INO80: variants seen among roughly 807,000 people sequenced by gnomAD.
INO80 encodes chromatin-remodeling ATPase INO80.
INO80 carries 20 observed loss-of-function variants against 203.4 expected under a neutral mutation model. That is an observed-to-expected ratio of 0.10 (90% confidence interval 0.07 to 0.14). INO80 has a LOEUF of 0.14. Ranked by LOEUF, INO80 falls within the 10% of genes least tolerant of loss-of-function variation. The probability of loss-of-function intolerance (pLI) is 1.00; values close to 1 mark genes in which losing one functional copy is unlikely to be tolerated. For missense variants in INO80, 1,419 were observed against 1,914.4 expected (o/e 0.74, Z 4.83); for synonymous variants, 726 against 685.2 (o/e 1.06, Z -0.93).
intron 24 of INO80, among the ~76,000 whole-genome samples, chr15:41,038,916 G>A (rs1049542874): frequency 2.0e-5 from 3 of 152,086 alleles, no homozygotes; most frequent in Non-Finnish European, 4.4e-5. Context: ...GCTTCACATT[G>A]GCTACCAACA....
At chr15:40,980,687 A>C (rs930014779) in intron 35 of INO80, among the ~76,000 whole-genome samples, 40 of 152,238 alleles carry the variant, frequency 2.6e-4, no homozygotes, top group African/African-American at 9.4e-4. Flanking sequence ...CTTCATCCAC[A>C]GATGGTAAAA....
intron 11 of INO80, 50 bp downstream of exon 11, chr15:41,073,378 G>A (rs1239566973): frequency 7.0e-7 from 1 of 1,426,120 alleles, no homozygotes; most frequent in Non-Finnish European, 9.9e-7. Flanking sequence ...AAAGGCTTGT[G>A]GGGTATTTCC....
At chr15:41,032,418 A>G (rs1225004888) in intron 24 of INO80, among the ~76,000 whole-genome samples, 1 of 152,210 alleles carries the variant, frequency 6.6e-6, no homozygotes. Flanking sequence ...AATGCAGAGA[A>G]ACACAATAGT....
Position 41,081,084 on chromosome 15 carries a change from T to C in INO80, c.874-11A>G. 1 of 1,521,280 alleles carries C rather than the reference T, an allele frequency of 6.6e-7. No homozygotes were observed. The highest frequency in any genetic ancestry group is 9.1e-7 in the Non-Finnish European group (1 of 1,096,910). The allele number at this position is 1,521,280 out of a possible 1,614,324, so 94.2% of individuals were successfully genotyped here. ...TTTCTGCTTATTTGCCTAAAATATT[T>C]AAAAAACAATATTTCATTTAGGATT... On this transcript the variant is annotated splice_polypyrimidine_tract_variant and intron_variant, in intron 7 of 35. Transcript: ENST00000648947.
chr15:41,081,482 G>C (rs1277424989), intron 7 of INO80, among the ~76,000 whole-genome samples: 2 of 152,162 alleles, frequency 1.3e-5, no homozygotes, highest in African/African-American at 4.8e-5. Flanking sequence ...AGATAAACTA[G>C]TCTCCTAAGT....
At position 40,987,905 on chromosome 15, in the gene INO80, C is replaced by G; in HGVS notation, c.3640G>C (p.Gly1214Arg). The G allele has an allele frequency of 6.2e-7, 1 of 1,614,132 alleles. No homozygotes were observed. Among genetic ancestry groups the G allele is most frequent in the Non-Finnish European group, 8.5e-7 (1 of 1,179,984 alleles). ...QQAMDRAHRL[G>R]QTKQVTVYRL... Reference sequence around the variant, plus strand: ...TACACAGTAACCTGCTTTGTCTGCCCTAAGCGGTGGGCCCTGTCCATGGCC... The same window carrying G: ...TACACAGTAACCTGCTTTGTCTGCCGTAAGCGGTGGGCCCTGTCCATGGCC... The change falls in exon 30 of 36, where the codon GGG (glycine) becomes CGG (arginine). Residue 1214 changes from glycine (G) to arginine (R), a missense_variant. Coordinates refer to ENST00000648947, the MANE Select transcript of INO80 (RefSeq NM_017553.3).
At chr15:41,061,679 A>G (rs2045112248) in intron 14 of INO80, among the ~76,000 whole-genome samples, 1 of 152,072 alleles carries the variant, frequency 6.6e-6, no homozygotes, top group African/African-American at 2.4e-5. Flanking sequence ...ACTTTAAAAA[A>G]TGCTAATTTG....
intron 1 of INO80, among the ~76,000 whole-genome samples, chr15:41,101,019 G>A (rs1406966574): frequency 6.6e-6 from 1 of 151,674 alleles, no homozygotes; most frequent in Non-Finnish European, 1.5e-5. Flanking sequence ...TAGTAGAGAT[G>A]GAGTTTTACC....
At chr15:41,024,204 G>T (rs1392507547) in intron 25 of INO80, among the ~76,000 whole-genome samples, 1 of 152,132 alleles carries the variant, frequency 6.6e-6, no homozygotes. Flanking sequence ...GTTTTGAGAG[G>T]CTTCTTTGGC....
intron 1 of INO80, among the ~76,000 whole-genome samples, chr15:41,098,468 A>T (rs1200739368): frequency 6.6e-6 from 1 of 152,124 alleles, no homozygotes; most frequent in Non-Finnish European, 1.5e-5. Context: ...TCAGCCCAGG[A>T]AAACAAGATC....
intron 29 of INO80, among the ~76,000 whole-genome samples, chr15:40,991,958 TAG>T (rs1396213266): frequency 1.7e-4 from 26 of 152,112 alleles, no homozygotes; most frequent in Non-Finnish European, 1.0e-4. Context: ...TTTGCATTTT[TAG>T]AGAGACGGGG....
chr15:41,111,349 G>A (rs1003213386), intron 1 of INO80, among the ~76,000 whole-genome samples: 16 of 152,160 alleles, frequency 1.1e-4, no homozygotes, highest in Admixed American at 3.3e-4. Context: ...AGGAGGCTGA[G>A]GCAGGAGAAT....
At chr15:41,036,238 A>G (rs1223964889) in intron 24 of INO80, among the ~76,000 whole-genome samples, 1 of 151,312 alleles carries the variant, frequency 6.6e-6, no homozygotes, top group African/African-American at 2.4e-5. Context: ...CAACAGAAAC[A>G]GTGTGAGATA....
chr15:41,108,591 CA>C (rs61591905), intron 1 of INO80, among the ~76,000 whole-genome samples: 2,769 of 53,162 alleles, frequency 0.052, 18 homozygotes, highest in African/African-American at 0.1. Context: ...GACTCCGTCT[CA>C]AAAAAAAAAA....
At chr15:41,008,386 C>T (rs1178180660) in intron 27 of INO80, among the ~76,000 whole-genome samples, 2 of 151,990 alleles carry the variant, frequency 1.3e-5, no homozygotes, top group Admixed American at 6.6e-5. Context: ...AAAGTTAAAA[C>T]TCATAAAAGT....
At chr15:41,056,790 T>C in intron 16 of INO80, 84 bp from the exon 17 acceptor site, 1 of 1,104,706 alleles carries the variant, frequency 9.1e-7, no homozygotes, top group South Asian at 1.3e-5. Flanking sequence ...TTGACAAAAA[T>C]GCCTTCCAAA....
chr15:41,079,142 C>CA (rs1435606973), intron 9 of INO80, among the ~76,000 whole-genome samples: 2 of 151,562 alleles, frequency 1.3e-5, no homozygotes, highest in Non-Finnish European at 2.9e-5. Flanking sequence ...CATCTCAAAA[C>CA]AAAAAAATAA....
intron 25 of INO80, among the ~76,000 whole-genome samples, chr15:41,022,706 G>A (rs574332859): frequency 6.6e-6 from 1 of 152,180 alleles, no homozygotes; most frequent in East Asian, 1.9e-4. Flanking sequence ...AACTACAGAG[G>A]GTCACAGCAA....
intron 19 of INO80, among the ~76,000 whole-genome samples, chr15:41,051,121 T>C (rs1596293984): frequency 2.5e-5 from 1 of 39,966 alleles, no homozygotes; most frequent in Non-Finnish European, 4.6e-5. Flanking sequence ...AGAATGAGAC[T>C]CCATCTCAAA....
Sources: gnomAD v4.1 joint callset for allele counts (sites outside exome capture counted in the v4.1 genomes callset) on GRCh38, gnomAD v4.1.1 for gene constraint, MANE v1.5 for transcripts, NCBI Gene and HGNC (gene_info 2026-07-23, HGNC 2026-07-21) for gene names.